TMEM200A: variants seen among roughly 807,000 people sequenced by gnomAD.
TMEM200A encodes two transmembrane C.
A neutral mutation model predicts 24.3 loss-of-function variants in TMEM200A; 12 were observed. The ratio of observed to expected loss-of-function variants is 0.49; its 90% CI spans 0.32 to 0.80. The LOEUF is 0.80. Ranked by LOEUF, TMEM200A falls within the 30% of genes least tolerant of loss-of-function variation. The pLI, the probability that TMEM200A is intolerant of heterozygous loss-of-function variation, is 0.04. For missense variants in TMEM200A, 545 were observed against 614.4 expected (o/e 0.89, Z 1.19); for synonymous variants, 224 against 224.4 (o/e 1.00, Z 0.02).
chr6:130,399,622 T>C (rs1779035268), intron 2 of TMEM200A, among the ~76,000 whole-genome samples: 1 of 128,950 alleles, frequency 7.8e-6, no homozygotes, highest in African/African-American at 4.2e-5. Flanking sequence ...CTACTTATGT[T>C]TTCTATTTTT....
At position 130,366,143 on chromosome 6, in the gene TMEM200A, C is replaced by A; in HGVS notation, c.-462C>A. ...TGCCCGGCTTGCTGCGCCCGGTGCC[C>A]TCCGAGGGCAGGCGCGCCTGGACTC... is the stretch of plus-strand genomic sequence containing the variant. On this transcript the variant is annotated 5_prime_UTR_variant, in exon 1 of 3. Coordinates refer to ENST00000296978, the MANE Select transcript of TMEM200A (RefSeq NM_001258277.2). The surrounding 1 kb of genome is among the most constrained non-coding windows in gnomAD (Gnocchi z 4.4). 2 of 985,466 alleles carry A rather than the reference C, an allele frequency of 2.0e-6. No homozygotes were observed. The highest frequency in any genetic ancestry group is 2.4e-6 in the Non-Finnish European group (2 of 829,968). 61.0% of individuals were successfully genotyped at this position (985,466 alleles called of 1,614,324 possible). A position where few individuals can be genotyped will look rare whatever the true frequency, so the allele number is the denominator to read the frequency against.
chr6:130,420,826 G>A (rs935525827), intron 2 of TMEM200A, among the ~76,000 whole-genome samples: 7 of 152,048 alleles, frequency 4.6e-5, no homozygotes, highest in Admixed American at 3.3e-4. Context: ...TGCAGGGCCC[G>A]CTGAAATCCC....
rs200539088 is a variant in TMEM200A at position 130,441,815 on chromosome 6, A to G, written c.1393A>G (p.Arg465Gly). ...TAAGGAGAAGCTTCTTATGATTTCA[A>G]GATCTCACAATAATTTGAGTTTTGA... ...TNKEKLLMIS[R>G]SHNNLSFEHD... Residue 465 changes from arginine (R) to glycine (G), a missense_variant, in exon 3 of 3, where the codon AGA (arginine) becomes GGA (glycine). By Grantham distance (125) the Arg-to-Gly change is moderately radical. Transcript: ENST00000296978. 1.2e-5 allele frequency: 20 copies of G among 1,613,892 alleles called. No individual in the cohort carries two copies. The highest frequency in any genetic ancestry group is 1.5e-5 in the Non-Finnish European group (18 of 1,179,978).
chr6:130,423,504 T>C (rs1461647749), intron 2 of TMEM200A, among the ~76,000 whole-genome samples: 1 of 152,094 alleles, frequency 6.6e-6, no homozygotes, highest in Non-Finnish European at 1.5e-5. Context: ...AGAAAAAAAG[T>C]ACATGTTGCC....
chr6:130,381,577 C>T (rs574929341), intron 1 of TMEM200A, among the ~76,000 whole-genome samples: 1 of 152,286 alleles, frequency 6.6e-6, no homozygotes, highest in Non-Finnish European at 1.5e-5. Flanking sequence ...TAATTTTCCT[C>T]CCAGTACAAC....
In TMEM200A at chr6:130,440,605, T is replaced by C. The variant is rs773584173; in HGVS notation, c.183T>C (p.Ser61=). 6.2e-7 allele frequency: 1 copy of C among 1,614,096 alleles called. No individual in the cohort carries two copies. The highest frequency in any genetic ancestry group is 1.1e-5 in the South Asian group (1 of 91,082). ...GCAAAATCCGGCTTTATTCCCCATC[T>C]GGTTTTTTTCTTATTTTAGGAGTGC... ...VRGKIRLYSP[S]GFFLILGVLI... The change falls in exon 3 of 3, where the codon TCT becomes TCC. Residue 61 remains serine, a synonymous_variant. Transcript: ENST00000296978.
At chr6:130,404,975 C>T (rs750361227) in intron 2 of TMEM200A, among the ~76,000 whole-genome samples, 3 of 151,986 alleles carry the variant, frequency 2.0e-5, no homozygotes, top group Non-Finnish European at 1.5e-5. Context: ...TATAGTTGTG[C>T]GGTTATTTCT....
intron 2 of TMEM200A, among the ~76,000 whole-genome samples, chr6:130,398,488 C>G (rs1779005376): frequency 6.6e-6 from 1 of 151,710 alleles, no homozygotes; most frequent in Non-Finnish European, 1.5e-5. Context: ...GGTATACACT[C>G]AGTAGAATAT....
chr6:130,378,067 T>G (rs1379200943), intron 1 of TMEM200A, among the ~76,000 whole-genome samples: 1 of 152,050 alleles, frequency 6.6e-6, no homozygotes, highest in African/African-American at 2.4e-5. Context: ...GCTTGGACTG[T>G]GTGAGTAGCA....
intron 1 of TMEM200A, among the ~76,000 whole-genome samples, chr6:130,371,873 C>G (rs1350557868): frequency 6.6e-6 from 1 of 152,138 alleles, no homozygotes; most frequent in African/African-American, 2.4e-5. Context: ...ATGGAATGGG[C>G]AGCTCCTCAG....
intron 2 of TMEM200A, among the ~76,000 whole-genome samples, chr6:130,422,496 A>G (rs1314362816): frequency 1.3e-5 from 2 of 152,176 alleles, no homozygotes; most frequent in East Asian, 1.9e-4. Context: ...TGAACTCCCT[A>G]CCTCAAGTGA....
At chr6:130,412,432 C>T (rs1202211442) in intron 2 of TMEM200A, among the ~76,000 whole-genome samples, 1 of 152,136 alleles carries the variant, frequency 6.6e-6, no homozygotes, top group African/African-American at 2.4e-5. Flanking sequence ...GCCCCTCCCA[C>T]AGGGAGTCCC....
At chr6:130,378,075 G>T (rs750143411) in intron 1 of TMEM200A, among the ~76,000 whole-genome samples, 1 of 152,154 alleles carries the variant, frequency 6.6e-6, no homozygotes, top group East Asian at 1.9e-4. Flanking sequence ...TGTGTGAGTA[G>T]CATTAGCATA....
intron 2 of TMEM200A, among the ~76,000 whole-genome samples, chr6:130,425,937 G>C (rs1486049862): frequency 6.6e-6 from 1 of 152,018 alleles, no homozygotes; most frequent in Non-Finnish European, 1.5e-5. Context: ...ATCAAGAAAT[G>C]TAAACAAATG....
intron 1 of TMEM200A, among the ~76,000 whole-genome samples, chr6:130,383,721 T>C (rs942741674): frequency 1.3e-5 from 2 of 152,190 alleles, no homozygotes; most frequent in Non-Finnish European, 2.9e-5. Flanking sequence ...TAAAAGATTA[T>C]TTTTTCCTTT....
intron 2 of TMEM200A, among the ~76,000 whole-genome samples, chr6:130,436,589 T>G (rs1780019045): frequency 6.7e-6 from 1 of 150,074 alleles, no homozygotes; most frequent in Non-Finnish European, 1.5e-5. Context: ...GATTCACTCA[T>G]TCTAGATTTT....
At chr6:130,384,937 A>G (rs1778679235) in intron 1 of TMEM200A, among the ~76,000 whole-genome samples, 1 of 152,188 alleles carries the variant, frequency 6.6e-6, no homozygotes, top group Non-Finnish European at 1.5e-5. Context: ...GAGTACATTT[A>G]TTATCTTTTT....
rs1175098623 is a variant in TMEM200A, at chr6:130,441,641, C to G, written c.1219C>G (p.Leu407Val). 4 of 1,613,936 alleles carry G rather than the reference C, an allele frequency of 2.5e-6. No individual in the cohort carries two copies. Among genetic ancestry groups the G allele is most frequent in the Non-Finnish European group, 3.4e-6 (4 of 1,180,022 alleles). ...GGACTTAGACCGGGGTCCCTCCACTCTAACTGTTCAGGCAGAACAACGGAA... is the reference window on the plus strand; with the variant it reads ...GGACTTAGACCGGGGTCCCTCCACTGTAACTGTTCAGGCAGAACAACGGAA... ...SLDLDRGPST[L>V]TVQAEQRKHP... Residue 407 changes from leucine to valine, a missense_variant, in exon 3 of 3, where the codon CTA (leucine) becomes GTA (valine). Leu to Val is a conservative substitution (Grantham distance 32, BLOSUM62 1). Transcript: ENST00000296978.
At chr6:130,400,143 C>T (rs568716654) in intron 2 of TMEM200A, among the ~76,000 whole-genome samples, 15 of 151,862 alleles carry the variant, frequency 9.9e-5, no homozygotes, top group African/African-American at 3.4e-4. Flanking sequence ...TTTATCCACT[C>T]GTTGATTGAT....
Sources: allele counts gnomAD v4.1 joint callset (sites outside exome capture counted in the v4.1 genomes callset), GRCh38; gene constraint gnomAD v4.1.1; non-coding constraint Gnocchi (gnomAD v3.1); transcripts MANE v1.5; gene names NCBI Gene and HGNC (gene_info 2026-07-23, HGNC 2026-07-21).